KAZN: variants seen among roughly 807,000 people sequenced by gnomAD.
KAZN encodes kazrin, periplakin interacting protein, also known as kazrin.
In KAZN, 40 loss-of-function variants were observed where a neutral mutation model predicts 87.4. The ratio of observed to expected loss-of-function variants is 0.46; its 90% CI spans 0.36 to 0.60. KAZN has a LOEUF of 0.60. KAZN is among the 20% of genes least tolerant of loss of function. The pLI, the probability that KAZN is intolerant of heterozygous loss-of-function variation, is 0.00. For missense variants in KAZN, 898 were observed against 1,073.9 expected (o/e 0.84, Z 2.29); for synonymous variants, 466 against 458.3 (o/e 1.02, Z -0.22).
chr1:13,956,668 A>G (rs1641562206), intron 1 of KAZN, among the ~76,000 whole-genome samples: 1 of 152,050 alleles, frequency 6.6e-6, no homozygotes, highest in African/African-American at 2.4e-5. Context: ...TGCACTCATA[A>G]TGTGATTGTG....
intron 1 of KAZN, among the ~76,000 whole-genome samples, chr1:14,175,799 A>G (rs534434396): frequency 3.0e-4 from 46 of 152,294 alleles, no homozygotes; most frequent in African/African-American, 1.0e-3. Flanking sequence ...TGATTTGGGA[A>G]GAAGGTTTGT....
intron 2 of KAZN, among the ~76,000 whole-genome samples, chr1:15,017,233 G>T (rs891566939): frequency 2.0e-5 from 3 of 150,892 alleles, no homozygotes; most frequent in African/African-American, 7.3e-5. Flanking sequence ...AGGAGACAGA[G>T]GTTACAGTGA....
chr1:14,176,203 T>C (rs1335410120), intron 1 of KAZN, among the ~76,000 whole-genome samples: 1 of 152,160 alleles, frequency 6.6e-6, no homozygotes, highest in African/African-American at 2.4e-5. Context: ...CTTCCCCTTC[T>C]GTTTGGGTTC....
At chr1:14,205,321 G>A (rs944231334) in intron 2 of KAZN, among the ~76,000 whole-genome samples, 6 of 152,176 alleles carry the variant, frequency 3.9e-5, no homozygotes, top group African/African-American at 1.4e-4. Flanking sequence ...TATCAGGAAT[G>A]ATAAAGTAGA....
chr1:14,436,734 A>AAACAAAAAC (rs1553172283), intron 2 of KAZN, among the ~76,000 whole-genome samples: 55,825 of 137,442 alleles, frequency 0.41, 11,959 homozygotes, highest in Middle Eastern at 0.5. Flanking sequence ...AAAAAAAAAA[A>AAACAAAAAC]AAAACCTTAA....
intron 2 of KAZN, among the ~76,000 whole-genome samples, chr1:14,377,280 T>C (rs1056850244): frequency 2.0e-5 from 3 of 152,190 alleles, no homozygotes; most frequent in African/African-American, 7.2e-5. Context: ...GACCATTCCT[T>C]AAGCTTCTGT....
At chr1:14,727,945 T>C (rs1643482061) in intron 1 of KAZN, among the ~76,000 whole-genome samples, 1 of 152,002 alleles carries the variant, frequency 6.6e-6, no homozygotes, top group African/African-American at 2.4e-5. Flanking sequence ...ATCAGCAATT[T>C]AGATCCCTCA....
chr1:14,686,511 A>C (rs1173317064), intron 1 of KAZN, among the ~76,000 whole-genome samples: 1 of 152,234 alleles, frequency 6.6e-6, no homozygotes, highest in Non-Finnish European at 1.5e-5. Context: ...TTATGTCTTT[A>C]TTCTACTTTT....
chr1:14,118,526 G>A (rs887510999), intron 1 of KAZN, among the ~76,000 whole-genome samples: 1 of 152,136 alleles, frequency 6.6e-6, no homozygotes, highest in Non-Finnish European at 1.5e-5. Context: ...GTACATTCCT[G>A]AAAAAACAAA....
intron 2 of KAZN, among the ~76,000 whole-genome samples, chr1:15,013,708 C>T (rs1669809035): frequency 6.6e-6 from 1 of 151,094 alleles, no homozygotes; most frequent in African/African-American, 2.4e-5. Context: ...GAGCTGAGAT[C>T]GCACCATTGC....
chr1:14,260,809 C>T (rs570478602), intron 2 of KAZN, among the ~76,000 whole-genome samples: 2 of 152,168 alleles, frequency 1.3e-5, no homozygotes, highest in Non-Finnish European at 2.9e-5. Flanking sequence ...ACTGTTACTG[C>T]CCCATTTTCC....
At chr1:14,056,466 C>T (rs190423904) in intron 1 of KAZN, among the ~76,000 whole-genome samples, 246 of 152,326 alleles carry the variant, frequency 1.6e-3, no homozygotes, top group African/African-American at 5.7e-3. Flanking sequence ...TCCCCTGGAG[C>T]TTCCAGAAGG....
At chr1:14,767,161 G>A (rs1180782066) in intron 1 of KAZN, among the ~76,000 whole-genome samples, 2 of 152,190 alleles carry the variant, frequency 1.3e-5, no homozygotes, top group Non-Finnish European at 2.9e-5. Flanking sequence ...TAAACATCCC[G>A]TAAGCATTTC....
chr1:14,369,055 T>C (rs996964332), intron 2 of KAZN, among the ~76,000 whole-genome samples: 2 of 152,216 alleles, frequency 1.3e-5, no homozygotes, highest in African/African-American at 2.4e-5. Context: ...GTATTGACTT[T>C]CATTAGCTCA....
intron 1 of KAZN, among the ~76,000 whole-genome samples, chr1:14,121,236 C>A (rs1644745482): frequency 6.6e-6 from 1 of 152,116 alleles, no homozygotes; most frequent in Non-Finnish European, 1.5e-5. Flanking sequence ...AATGGTTAAC[C>A]AGGGAAAGGT....
intron 1 of KAZN, among the ~76,000 whole-genome samples, chr1:14,657,525 C>T (rs1638886714): frequency 6.6e-6 from 1 of 152,244 alleles, no homozygotes; most frequent in Non-Finnish European, 1.5e-5. Flanking sequence ...TTTGGGGACA[C>T]TTAAGTACTA....
At chr1:14,147,738 G>A (rs1645383235) in intron 1 of KAZN, among the ~76,000 whole-genome samples, 1 of 151,738 alleles carries the variant, frequency 6.6e-6, no homozygotes, top group Non-Finnish European at 1.5e-5. Flanking sequence ...AGAGGTTGCA[G>A]TGAGCCGAGA....
intron 10 of KAZN, among the ~76,000 whole-genome samples, chr1:15,098,748 T>G (rs766955805): frequency 5.3e-5 from 8 of 152,210 alleles, no homozygotes; most frequent in Non-Finnish European, 7.3e-5. Context: ...GCCAGAAGTT[T>G]CCAGTTCAGG....
At chr1:14,948,169 T>G (rs1662054109) in intron 1 of KAZN, among the ~76,000 whole-genome samples, 1 of 152,210 alleles carries the variant, frequency 6.6e-6, no homozygotes, top group Non-Finnish European at 1.5e-5. Flanking sequence ...GGATTCTTTT[T>G]CAAGTACAAG....
Sources: allele counts gnomAD v4.1 joint callset (sites outside exome capture counted in the v4.1 genomes callset), GRCh38; gene constraint gnomAD v4.1.1; transcripts MANE v1.5; gene names NCBI Gene and HGNC (gene_info 2026-07-23, HGNC 2026-07-21).